CALB1: variants seen among roughly 807,000 people sequenced by gnomAD.
CALB1 encodes the protein calbindin.
A neutral mutation model predicts 46.7 loss-of-function variants in CALB1; 16 were observed. The observed-to-expected ratio is 0.34, with a 90% CI of 0.23 to 0.52. The LOEUF is 0.52. Ranked by LOEUF, CALB1 falls within the 20% of genes least tolerant of loss-of-function variation. CALB1 has a pLI of 0.95. For synonymous variants in CALB1, 90 were observed against 112.8 expected, an observed-to-expected ratio of 0.80 and a Z score of 1.28; for missense variants, 224 against 300.3, an observed-to-expected ratio of 0.75 and a Z score of 1.88.
intron 5 of CALB1, among the ~76,000 whole-genome samples, chr8:90,066,407 A>G (rs1814397947): frequency 6.6e-6 from 1 of 152,050 alleles, no homozygotes; most frequent in South Asian, 2.1e-4. Flanking sequence ...TAAACCAAAT[A>G]GAGATCTATC....
rs1177200033 is a variant in CALB1, at chr8:90,068,983, T to C, written c.372+15A>G. On this transcript the variant is annotated intron_variant, in intron 5 of 10. Transcript: ENST00000265431. ...TCTGAAAGGAAAAACTTAGTACAAGTTTTTATTTGCTTACCTTAAGCTCCT... is the reference window on the plus strand; with the variant it reads ...TCTGAAAGGAAAAACTTAGTACAAGCTTTTATTTGCTTACCTTAAGCTCCT... 2 of 1,594,378 alleles carry C rather than the reference T, an allele frequency of 1.3e-6. No individual in the cohort carries two copies. Among genetic ancestry groups the C allele is most frequent in the Non-Finnish European group, 1.7e-6 (2 of 1,170,164 alleles).
chr8:90,078,469 TAGG>T (rs543464972), intron 2 of CALB1, 22 bp from the exon 3 acceptor site: 1 of 1,404,852 alleles, frequency 7.1e-7, no homozygotes, highest in Non-Finnish European at 9.9e-7. Flanking sequence ...TAAAAGCAGG[TAGG>T]AGGTTTGTTA....
At chr8:90,064,097 A>T (rs1193763445) in intron 6 of CALB1, 1 of 151,842 alleles carries the variant, frequency 6.6e-6, no homozygotes, top group African/African-American at 2.4e-5. Flanking sequence ...CCAAAGTAGT[A>T]TATATGAATT....
rs746499450 is a variant in CALB1 at position 90,060,209 on chromosome 8, C to T, written c.750G>A (p.Thr250=). The T allele has an allele frequency of 3.1e-6, 5 of 1,613,690 alleles. No individual in the cohort carries two copies. Among genetic ancestry groups the T allele is most frequent in the Admixed American group, 1.7e-5 (1 of 60,016 alleles). ...CAGCACAGAGAATAAGAGCAAGATC[C>T]GTTCGGTACAGCTTCCCTCCATCCG... ...ALSDGGKLYR[T]DLALILCAGD... is the part of the protein sequence containing the mutation. The change falls in exon 11 of 11, where the codon ACG becomes ACA. Residue 250 remains threonine, a synonymous_variant. Coordinates refer to ENST00000265431, the MANE Select transcript of CALB1 (RefSeq NM_004929.4).
rs146502937 is a variant in CALB1 at position 90,061,421 on chromosome 8, T to C, written c.601-721A>G. On this transcript the variant is annotated intron_variant, in intron 9 of 10. Transcript: ENST00000265431. ...AGAACAAAATTTTAAGGCATCCAAATTGGAAAGAGAGAAGTTAAATTATCC... is the reference window on the plus strand; with the variant it reads ...AGAACAAAATTTTAAGGCATCCAAACTGGAAAGAGAGAAGTTAAATTATCC... The C allele has an allele frequency of 4.5e-3, 683 of 152,236 alleles. 5 individuals carry two copies. The highest frequency in any genetic ancestry group is 0.015 in the African/African-American group (619 of 41,550). 9.4% of individuals were successfully genotyped at this position (152,236 alleles called of 1,614,324 possible).
In CALB1 at chr8:90,060,617, T is replaced by A. The variant is rs1814278306; in HGVS notation, c.672+12A>T. ...CTGCTTAAAGAAGTAAGTGCCATGG[T>A]AACTAAGTTACCTGTTTATTCTTCT... On this transcript the variant is annotated intron_variant, in intron 10 of 10. Coordinates refer to ENST00000265431, the MANE Select transcript of CALB1 (RefSeq NM_004929.4). 4 of 1,607,232 alleles carry A rather than the reference T, an allele frequency of 2.5e-6. No individual in the cohort carries two copies. The highest frequency in any genetic ancestry group is 3.4e-6 in the Non-Finnish European group (4 of 1,173,906).
chr8:90,071,714 A>T (rs927607335), intron 3 of CALB1, among the ~76,000 whole-genome samples: 2 of 152,200 alleles, frequency 1.3e-5, no homozygotes, highest in Non-Finnish European at 2.9e-5. Flanking sequence ...GATGTTATGT[A>T]TACATTTTGG....
intron 3 of CALB1, among the ~76,000 whole-genome samples, chr8:90,069,546 G>A (rs2130235137): frequency 6.6e-6 from 1 of 152,230 alleles, no homozygotes; most frequent in South Asian, 2.1e-4. Context: ...CATCCTCGTG[G>A]CTTGAACCCT....
chr8:90,081,015 G>T (rs1042094052), intron 2 of CALB1, among the ~76,000 whole-genome samples: 1 of 152,016 alleles, frequency 6.6e-6, no homozygotes. Flanking sequence ...CTTCTGAAAG[G>T]CAGTGTTACA....
rs371763720 is a variant in CALB1 at position 90,069,052 on chromosome 8, T to C, written c.318A>G (p.Thr106=). 4.3e-6 allele frequency: 7 copies of C among 1,613,194 alleles called. No individual in the cohort carries two copies. The highest frequency in any genetic ancestry group is 1.6e-4 in the Middle Eastern group (1 of 6,072). The change falls in exon 5 of 11, where the codon ACA becomes ACG. Residue 106 remains threonine, a splice_region_variant and synonymous_variant. Coordinates refer to ENST00000265431, the MANE Select transcript of CALB1 (RefSeq NM_004929.4). ...QLKSCEEFMK[T]WRKYDTDHSG... is the part of the protein sequence containing the mutation. ...TGTGGTCAGTATCATATTTTCTCCA[T>C]GTCTGTAAGTAATTTTGGATAAGGA... is the stretch of plus-strand genomic sequence containing the variant.
At chr8:90,067,297 T>G (rs1001242933) in intron 5 of CALB1, among the ~76,000 whole-genome samples, 3 of 152,172 alleles carry the variant, frequency 2.0e-5, no homozygotes, top group Admixed American at 1.3e-4. Context: ...TGCCAACTTA[T>G]CTTCAAAATT....
intron 4 of CALB1, 43 bp from the exon 5 acceptor site, chr8:90,069,097 A>G: frequency 6.2e-7 from 1 of 1,610,588 alleles, no homozygotes; most frequent in Non-Finnish European, 8.5e-7. Flanking sequence ...CATTTTTAAT[A>G]AAAGGAACAA....
intron 2 of CALB1, among the ~76,000 whole-genome samples, chr8:90,080,964 C>T (rs1814721280): frequency 6.6e-6 from 1 of 151,902 alleles, no homozygotes; most frequent in Non-Finnish European, 1.5e-5. Flanking sequence ...TCAAAAAGGC[C>T]AAAGACCATT....
chr8:90,074,069 G>A (rs1318848702), intron 3 of CALB1, among the ~76,000 whole-genome samples: 4 of 151,946 alleles, frequency 2.6e-5, no homozygotes, highest in African/African-American at 7.3e-5. Context: ...CCAGTGAGAA[G>A]TGAGTCCAGG....
intron 6 of CALB1, chr8:90,063,735 G>A (rs1041008154): frequency 3.8e-5 from 13 of 341,214 alleles, no homozygotes; most frequent in Admixed American, 9.1e-5. Context: ...TTGCAAATAC[G>A]TTCATATGTG....
At chr8:90,063,568 T>C in intron 6 of CALB1, 107 bp from the exon 7 acceptor site, 3 of 878,916 alleles carry the variant, frequency 3.4e-6, no homozygotes, top group Non-Finnish European at 5.3e-6. Context: ...CTTGTATATA[T>C]GCAGTAAAAT....
intron 3 of CALB1, among the ~76,000 whole-genome samples, chr8:90,071,827 C>T (rs1432150663): frequency 1.3e-5 from 2 of 152,062 alleles, no homozygotes; most frequent in African/African-American, 4.8e-5. Flanking sequence ...CCCAACTCGT[C>T]CTTTATTTAT....
At chr8:90,065,815 A>C in intron 6 of CALB1, 83 bp downstream of exon 6, 1 of 849,716 alleles carries the variant, frequency 1.2e-6, no homozygotes, top group South Asian at 1.4e-5. Flanking sequence ...TATTTATTTC[A>C]TCCTGTGTAG....
intron 5 of CALB1, among the ~76,000 whole-genome samples, chr8:90,068,036 A>G (rs1814432006): frequency 6.6e-6 from 1 of 152,198 alleles, no homozygotes; most frequent in Non-Finnish European, 1.5e-5. Flanking sequence ...AAAAATAGAA[A>G]AAGTAGGGTC....
Sources: gnomAD v4.1 joint callset for allele counts (sites outside exome capture counted in the v4.1 genomes callset) on GRCh38, gnomAD v4.1.1 for gene constraint, MANE v1.5 for transcripts, NCBI Gene and HGNC (gene_info 2026-07-23, HGNC 2026-07-21) for gene names.